Variants in COL6A2 observed in about 807,000 individuals in gnomAD.
COL6A2 encodes the protein collagen alpha-2(VI) chain.
In COL6A2, 90 loss-of-function variants were observed where a neutral mutation model predicts 124.9. That is an observed-to-expected ratio of 0.72 (90% CI 0.61 to 0.86). COL6A2 has a LOEUF of 0.86. Ranked by LOEUF, COL6A2 falls within the 40% of genes least tolerant of loss-of-function variation. The pLI, the probability that COL6A2 is intolerant of heterozygous loss-of-function variation, is 0.00. For missense variants in COL6A2, 1,607 were observed against 1,502.5 expected, an observed-to-expected ratio of 1.07 and a Z score of -1.15; for synonymous variants, 793 against 618.2, an observed-to-expected ratio of 1.28 and a Z score of -4.19.
chr21:46,130,569 A>C (rs1324112959), intron 27 of COL6A2, among the ~76,000 whole-genome samples: 5 of 151,776 alleles, frequency 3.3e-5, no homozygotes, highest in Non-Finnish European at 7.4e-5. Context: ...GAGTCCACAG[A>C]CATCCCAACA....
At chr21:46,123,291 C>A (rs1205643455) in intron 21 of COL6A2, among the ~76,000 whole-genome samples, 1 of 150,298 alleles carries the variant, frequency 6.7e-6, no homozygotes, top group African/African-American at 2.5e-5. Context: ...ACATAGCATC[C>A]CCTCCAGAGT....
At position 46,126,120 on chromosome 21, in the gene COL6A2, A is replaced by G; in HGVS notation, c.2305A>G (p.Ser769Gly). 2.5e-6 allele frequency: 4 copies of G among 1,612,492 alleles called. No individual in the cohort carries two copies. The highest frequency in any genetic ancestry group is 2.5e-6 in the Non-Finnish European group (3 of 1,180,020). Residue 769 changes from serine (S) to glycine (G), a missense_variant, in exon 26 of 28, where the codon AGT becomes GGT. By Grantham distance (56) the Ser-to-Gly change is moderately conservative. Coordinates refer to ENST00000300527, the MANE Select transcript of COL6A2 (RefSeq NM_001849.4). The stretch of plus-strand genomic sequence containing the variant: ...GGACATGTTCCACGAGAAGCACGAG[A>G]GTGAAAACCTCTACTCCATCGCCTG... ...IGDMFHEKHE[S>G]ENLYSIACDK... is the part of the protein sequence containing the mutation.
intron 27 of COL6A2, among the ~76,000 whole-genome samples, chr21:46,128,628 A>G (rs761444187): frequency 1.2e-4 from 18 of 152,236 alleles, no homozygotes; most frequent in Non-Finnish European, 2.5e-4. Flanking sequence ...GAAGGCAGTC[A>G]GGGCAGGGCG....
chr21:46,123,714 T>C (rs1347580557), intron 21 of COL6A2, among the ~76,000 whole-genome samples: 1 of 148,440 alleles, frequency 6.7e-6, no homozygotes, highest in Non-Finnish European at 1.5e-5. Flanking sequence ...GATGGATGGG[T>C]GGGTGGGCGA....
At position 46,116,567 on chromosome 21, in the gene COL6A2, C is replaced by T. The variant is rs1360516874; in HGVS notation, c.928-84C>T. On this transcript the variant is annotated intron_variant, in intron 8 of 27. Transcript: ENST00000300527. This position sits in a 1 kb window ranked among gnomAD's most constrained non-coding sequence, Gnocchi z 4.6. The stretch of plus-strand genomic sequence containing the variant: ...GGGGTCCTGTGGCCTTGAGTTTGGC[C>T]CAAGGGCTTTGCCCCCCAGAGGCAG... 1.2e-6 allele frequency: 2 copies of T among 1,602,082 alleles called. No individual in the cohort carries two copies. The highest frequency in any genetic ancestry group is 1.3e-5 in the African/African-American group (1 of 74,864).
chr21:46,123,871 A>ATGGATAAATGGGTAGG (rs1555875030), intron 21 of COL6A2, among the ~76,000 whole-genome samples: 16,965 of 135,462 alleles, frequency 0.13, 1,333 homozygotes, highest in Non-Finnish European at 0.19. Context: ...GGGTTGGCAG[A>ATGGATAAATGGGTAGG]TGGATGGATG....
chr21:46,121,192 C>A, intron 17 of COL6A2, 69 bp downstream of exon 17: 1 of 1,455,906 alleles, frequency 6.9e-7, no homozygotes. Flanking sequence ...CATGTGGGGA[C>A]AGCCTGGAGC....
At chr21:46,128,353 C>T (rs2078706017) in intron 27 of COL6A2, among the ~76,000 whole-genome samples, 1 of 152,240 alleles carries the variant, frequency 6.6e-6, no homozygotes, top group South Asian at 2.1e-4. Context: ...CAGCTGTTTC[C>T]AATTTCAAAG....
At chr21:46,127,688 G>A (rs963475706) in intron 27 of COL6A2, among the ~76,000 whole-genome samples, 3 of 151,804 alleles carry the variant, frequency 2.0e-5, no homozygotes, top group African/African-American at 7.3e-5. Flanking sequence ...CATGATGGGC[G>A]ACATGGCGAT....
At position 46,112,804 on chromosome 21, in the gene COL6A2, A is replaced by G. The variant is rs777108595; in HGVS notation, c.715A>G (p.Lys239Glu). Residue 239 changes from lysine (K) to glutamate (E), a missense_variant and splice_region_variant, in exon 4 of 28, where the codon AAA becomes GAA. Physicochemically the swap from Lys to Glu is moderately conservative, Grantham distance 56. Coordinates refer to ENST00000300527, the MANE Select transcript of COL6A2 (RefSeq NM_001849.4). ...ACCAGCATGTCTGTCTTTTCTGCAG[A>G]AACACGAAGCCTACGGAGAGGTGAG... ...DTINRIIKVM[K>E]HEAYGECYKV... 26 of 1,613,716 alleles carry G rather than the reference A, an allele frequency of 1.6e-5. No individual in the cohort carries two copies. Among genetic ancestry groups the G allele is most frequent in the African/African-American group, 2.7e-5 (2 of 74,930 alleles).
chr21:46,126,506 C>G lies in COL6A2; in HGVS notation c.2426C>G (p.Pro809Arg), dbSNP rs1373149520. 6.2e-7 allele frequency: 1 copy of G among 1,611,874 alleles called. No homozygotes were observed. The highest frequency in any genetic ancestry group is 2.2e-5 in the East Asian group (1 of 44,864). Reference sequence around the variant, plus strand: ...CGGCCTCTCTCCTCTCTTCCAGACCCTCAGATCGTGTGCCCAGACCTTCCC... The same window carrying G: ...CGGCCTCTCTCCTCTCTTCCAGACCGTCAGATCGTGTGCCCAGACCTTCCC... ...DDMEDVLCPD[P>R]QIVCPDLPCQ... Residue 809 changes from proline to arginine, a missense_variant, in exon 27 of 28, where the codon CCT becomes CGT. By Grantham distance (103) the Pro-to-Arg change is moderately radical (BLOSUM62 -2). Coordinates refer to ENST00000300527, the MANE Select transcript of COL6A2 (RefSeq NM_001849.4).
At position 46,129,383 on chromosome 21, in the gene COL6A2, C is replaced by T. The variant is rs149172490; in HGVS notation, c.2462-2571C>T. 12,000 of 1,613,024 alleles carry T rather than the reference C, an allele frequency of 7.4e-3. 58 individuals are homozygous for T. Among genetic ancestry groups the T allele is most frequent in the Non-Finnish European group, 9.3e-3 (11,008 of 1,179,930 alleles). ...TCTACACCGCCGAGCGGGCCAAGTT[C>T]GCCACCGGGGTAGAGCGGCAGGACT... On this transcript the variant is annotated intron_variant, in intron 27 of 27. Coordinates refer to ENST00000300527, the MANE Select transcript of COL6A2 (RefSeq NM_001849.4).
At chr21:46,118,769 T>TCAC in intron 13 of COL6A2, 93 bp downstream of exon 13, 1 of 1,433,846 alleles carries the variant, frequency 7.0e-7, no homozygotes, top group Admixed American at 2.0e-5. Context: ...ATCTCTGCTG[T>TCAC]CACCATGGTG....
chr21:46,108,104 ATATT>A (rs2078355324), intron 1 of COL6A2, among the ~76,000 whole-genome samples: 2 of 134,532 alleles, frequency 1.5e-5, no homozygotes, highest in African/African-American at 6.1e-5. Context: ...ATATATATAT[ATATT>A]TTTTTTTCTC....
intron 4 of COL6A2, 39 bp downstream of exon 4, chr21:46,112,863 G>A (rs761597489): frequency 6.2e-7 from 1 of 1,613,012 alleles, no homozygotes; most frequent in Non-Finnish European, 8.5e-7. Flanking sequence ...CTGGCCGGCA[G>A]CTGACCCAGC....
In COL6A2 at chr21:46,128,860, G is replaced by A. The variant is rs199960282; in HGVS notation, c.2461+2319G>A. 3.1e-4 allele frequency: 473 copies of A among 1,542,010 alleles called. 3 individuals carry two copies. Among genetic ancestry groups the A allele is most frequent in the East Asian group, 7.6e-4 (34 of 44,494 alleles). On this transcript the variant is annotated intron_variant, in intron 27 of 27. Transcript: ENST00000300527. ...GGGGTCTTCCTGGCGACGGGCCTGC[G>A]GCACTGGAAGCCCTACTGGAGTTTG...
intron 15 of COL6A2, among the ~76,000 whole-genome samples, chr21:46,120,052 C>T (rs2078535960): frequency 7.0e-6 from 1 of 143,252 alleles, no homozygotes; most frequent in African/African-American, 2.5e-5. Context: ...ACTACCCACC[C>T]AGGCACACCC....
At chr21:46,129,681 G>T in intron 27 of COL6A2, 20 of 1,418,444 alleles carry the variant, frequency 1.4e-5, no homozygotes, top group Non-Finnish European at 1.8e-5. Flanking sequence ...GTCCCTTGCT[G>T]CGGCTGCATC....
intron 18 of COL6A2, 109 bp downstream of exon 18, chr21:46,121,727 G>T: frequency 1.8e-6 from 2 of 1,107,070 alleles, no homozygotes; most frequent in South Asian, 1.3e-5. Context: ...CGTGCCTCAG[G>T]ACGGGCCTGT....
Sources: gnomAD v4.1 joint callset for allele counts (sites outside exome capture counted in the v4.1 genomes callset) on GRCh38, gnomAD v4.1.1 for gene constraint, Gnocchi (gnomAD v3.1) non-coding constraint, MANE v1.5 for transcripts, NCBI Gene and HGNC (gene_info 2026-07-23, HGNC 2026-07-21) for gene names.